The following PPARGC1A variants were observed in gnomAD, a reference collection of about 807,000 sequenced individuals.
PPARGC1A encodes PPARG coactivator 1 alpha.
PPARGC1A carries 25 observed loss-of-function variants against 88.7 expected under a neutral mutation model. The ratio of observed to expected loss-of-function variants is 0.28; its 90% CI spans 0.21 to 0.39. The LOEUF (loss-of-function observed/expected upper bound fraction) is 0.39, where lower values mean the gene tolerates loss of function less well. Among genes scored for constraint, PPARGC1A ranks in the 10% least tolerant of loss-of-function variants. The pLI, the probability that PPARGC1A is intolerant of heterozygous loss-of-function variation, is 1.00. For missense variants in PPARGC1A, 880 were observed against 968.7 expected, an observed-to-expected ratio of 0.91 and a Z score of 1.22; for synonymous variants, 363 against 355.6, an observed-to-expected ratio of 1.02 and a Z score of -0.24.
the PPARGC1A span, among the ~76,000 whole-genome samples, chr4:24,197,179 A>AG: frequency 6.6e-6 from 1 of 152,124 alleles, no homozygotes; most frequent in Admixed American, 6.5e-5. Context: ...CCACCCAAGA[A>AG]GGGGGGATCA....
At chr4:23,865,104 GA>G (rs1711605198) in intron 2 of PPARGC1A, among the ~76,000 whole-genome samples, 1 of 152,162 alleles carries the variant, frequency 6.6e-6, no homozygotes, top group Admixed American at 6.5e-5. Flanking sequence ...AGAATCACTT[GA>G]ACCTGGGAGG....
the PPARGC1A span, among the ~76,000 whole-genome samples, chr4:24,271,796 C>T: frequency 3.3e-3 from 501 of 152,250 alleles, 5 homozygotes; most frequent in African/African-American, 0.012. Context: ...GGTATTGTAA[C>T]AACAAAAGCA....
chr4:24,160,463 A>T, the PPARGC1A span, among the ~76,000 whole-genome samples: 1 of 152,212 alleles, frequency 6.6e-6, no homozygotes, highest in Non-Finnish European at 1.5e-5. Context: ...TGAATAGAGC[A>T]TCAAGCTGTT....
At chr4:24,275,409 C>T in the PPARGC1A span, among the ~76,000 whole-genome samples, 1 of 152,006 alleles carries the variant, frequency 6.6e-6, no homozygotes, top group African/African-American at 2.4e-5. Context: ...AATCTAATAC[C>T]CCAGTTGAAT....
chr4:24,251,759 G>A, the PPARGC1A span, among the ~76,000 whole-genome samples: 1 of 152,156 alleles, frequency 6.6e-6, no homozygotes, highest in Admixed American at 6.5e-5. Flanking sequence ...TCAAACCCAG[G>A]CCTGTCTGAC....
the PPARGC1A span, among the ~76,000 whole-genome samples, chr4:24,191,740 T>C: frequency 6.6e-6 from 1 of 152,190 alleles, no homozygotes; most frequent in Non-Finnish European, 1.5e-5. Context: ...AGGATGGGTG[T>C]GGGTGGCCAC....
At chr4:24,446,418 T>C in the PPARGC1A span, among the ~76,000 whole-genome samples, 8 of 152,100 alleles carry the variant, frequency 5.3e-5, no homozygotes, top group African/African-American at 1.9e-4. Context: ...TGTTTTTTAA[T>C]AGGATTATTG....
the PPARGC1A span, among the ~76,000 whole-genome samples, chr4:24,017,952 C>T: frequency 2.0e-5 from 3 of 152,148 alleles, no homozygotes; most frequent in East Asian, 5.8e-4. Context: ...TTCACTTATA[C>T]TCAGTCTTAT....
At chr4:24,267,241 A>T in the PPARGC1A span, among the ~76,000 whole-genome samples, 1 of 152,214 alleles carries the variant, frequency 6.6e-6, no homozygotes, top group Admixed American at 6.5e-5. Context: ...TCCTGATACC[A>T]TGATAAAATT....
chr4:24,437,594 T>TGTTG, the PPARGC1A span, among the ~76,000 whole-genome samples: 6 of 143,752 alleles, frequency 4.2e-5, no homozygotes, highest in Admixed American at 2.1e-4. Flanking sequence ...GCACAGGTTT[T>TGTTG]TTGTTGTTGT....
the PPARGC1A span, among the ~76,000 whole-genome samples, chr4:24,274,763 G>C: frequency 6.6e-6 from 1 of 152,102 alleles, no homozygotes; most frequent in South Asian, 2.1e-4. Flanking sequence ...TTGCTACCCA[G>C]TTGCTCCCTT....
At chr4:24,413,611 TG>T in the PPARGC1A span, among the ~76,000 whole-genome samples, 4 of 152,054 alleles carry the variant, frequency 2.6e-5, no homozygotes, top group African/African-American at 9.7e-5. Flanking sequence ...CAGATCCTTG[TG>T]GGGGGGTAGG....
At chr4:24,383,208 G>A in the PPARGC1A span, among the ~76,000 whole-genome samples, 9 of 152,062 alleles carry the variant, frequency 5.9e-5, no homozygotes, top group African/African-American at 2.2e-4. Context: ...CACATAGAAA[G>A]CCCATCTGAA....
the PPARGC1A span, among the ~76,000 whole-genome samples, chr4:24,335,670 T>C: frequency 6.6e-6 from 1 of 152,140 alleles, no homozygotes; most frequent in Non-Finnish European, 1.5e-5. Flanking sequence ...GAGGGTACGT[T>C]ACAGAGGATC....
chr4:23,950,406 GA>G, the PPARGC1A span, among the ~76,000 whole-genome samples: 10 of 152,014 alleles, frequency 6.6e-5, no homozygotes, highest in African/African-American at 2.2e-4. Flanking sequence ...GCCTTTAAAG[GA>G]AGACCAAAAC....
chr4:24,299,922 G>C, the PPARGC1A span, among the ~76,000 whole-genome samples: 1 of 152,214 alleles, frequency 6.6e-6, no homozygotes. Flanking sequence ...TAAGAATTAT[G>C]TGGCTGAGAT....
At chr4:23,848,192 A>G (rs930729622) in intron 2 of PPARGC1A, among the ~76,000 whole-genome samples, 15 of 152,216 alleles carry the variant, frequency 9.9e-5, no homozygotes, top group African/African-American at 3.6e-4. Context: ...CTAAATATTC[A>G]TGCCTCTCAG....
At chr4:24,426,287 C>A in the PPARGC1A span, among the ~76,000 whole-genome samples, 40 of 152,346 alleles carry the variant, frequency 2.6e-4, no homozygotes, top group African/African-American at 8.7e-4. Context: ...AACTCCTCCT[C>A]TAACCTTAGT....
In PPARGC1A at chr4:23,850,873, A is replaced by T. The variant is rs567954474; in HGVS notation, c.235-19122T>A. Among the ~76,000 whole-genome samples, 11 of 152,340 alleles carry T rather than the reference A, an allele frequency of 7.2e-5. No individual in the cohort carries two copies. In the South Asian group the frequency reaches 2.3e-3, roughly 32 times the overall value. On this transcript the variant is annotated intron_variant, in intron 2 of 12. Coordinates refer to ENST00000264867, the MANE Select transcript of PPARGC1A (RefSeq NM_013261.5). Reference sequence around the variant, plus strand: ...GGTTCCCCTCTTTTCAGTGACCCTAACTTATCCAGAACATTTTTCAGGGCA... The same window carrying T: ...GGTTCCCCTCTTTTCAGTGACCCTATCTTATCCAGAACATTTTTCAGGGCA...
Sources: allele counts gnomAD v4.1 joint callset (sites outside exome capture counted in the v4.1 genomes callset), GRCh38; gene constraint gnomAD v4.1.1; transcripts MANE v1.5; gene names NCBI Gene and HGNC (gene_info 2026-07-23, HGNC 2026-07-21).